The following GABRB3 variants were observed in gnomAD, a reference collection of about 807,000 sequenced individuals.
GABRB3 encodes the protein gamma-aminobutyric acid type A receptor subunit beta3, also known as gamma-aminobutyric acid receptor subunit beta-3.
Under a neutral mutation model 52.1 loss-of-function variants are expected in GABRB3, and 14 were observed. The ratio of observed to expected loss-of-function variants is 0.27; its 90% CI spans 0.18 to 0.42. GABRB3 has a LOEUF of 0.42. Ranked by LOEUF, GABRB3 falls within the 10% of genes least tolerant of loss-of-function variation. The pLI is 1.00. For missense variants in GABRB3, 307 were observed against 609.1 expected (o/e 0.50, Z 5.22); for synonymous variants, 260 against 232.3 (o/e 1.12, Z -1.08).
In GABRB3 at chr15:26,543,936, C is replaced by A. The variant is rs928779988; in HGVS notation, c.*3857G>T. 5 of 152,704 alleles carry A rather than the reference C, an allele frequency of 3.3e-5. No individual in the cohort carries two copies. Among genetic ancestry groups the A allele is most frequent in the Middle Eastern group, 3.4e-3 (1 of 294 alleles). The allele number at this position is 152,704 out of a possible 1,614,324, so 9.5% of individuals were successfully genotyped here. On this transcript the variant is annotated 3_prime_UTR_variant, in exon 9 of 9. Coordinates refer to ENST00000311550, the MANE Select transcript of GABRB3 (RefSeq NM_000814.6). ...TTTAGTATTTCAGGAAAACATGGCGCCTTTCAATGCAGTAGAAGAGGTAAT... is the reference window on the plus strand; with the variant it reads ...TTTAGTATTTCAGGAAAACATGGCGACTTTCAATGCAGTAGAAGAGGTAAT...
intron 3 of GABRB3, among the ~76,000 whole-genome samples, chr15:26,760,136 G>A (rs1890775061): frequency 6.6e-6 from 1 of 152,214 alleles, no homozygotes; most frequent in African/African-American, 2.4e-5. Context: ...CAACACAATT[G>A]CAAGCTGCCA....
chr15:26,619,588 C>T (rs1010925035), intron 4 of GABRB3, among the ~76,000 whole-genome samples: 8 of 151,172 alleles, frequency 5.3e-5, no homozygotes, highest in African/African-American at 1.7e-4. Flanking sequence ...TTAGTGGGTG[C>T]AGCGCACTAG....
At chr15:26,684,394 G>A (rs767586271) in intron 3 of GABRB3, among the ~76,000 whole-genome samples, 51 of 152,292 alleles carry the variant, frequency 3.3e-4, no homozygotes, top group Middle Eastern at 3.4e-3. Flanking sequence ...TGGGGAGTAC[G>A]AGAGAAATGT....
intron 6 of GABRB3, among the ~76,000 whole-genome samples, chr15:26,573,453 C>T (rs1156688093): frequency 6.6e-6 from 1 of 152,064 alleles, no homozygotes; most frequent in African/African-American, 2.4e-5. Flanking sequence ...GACAATGAGT[C>T]CTTTCTAATC....
chr15:26,772,854 G>A (rs1412065754), intron 1 of GABRB3, 29 bp downstream of exon 1: 12 of 1,448,230 alleles, frequency 8.3e-6, no homozygotes, highest in African/African-American at 7.4e-5. Flanking sequence ...CGCCCTGCCC[G>A]CCGCCCGCCG....
chr15:26,598,238 A>G (rs1254317292), intron 4 of GABRB3, among the ~76,000 whole-genome samples: 2 of 152,212 alleles, frequency 1.3e-5, no homozygotes, highest in Non-Finnish European at 2.9e-5. Flanking sequence ...TGGTCGAATA[A>G]GAATTTTTAA....
chr15:26,554,176 G>GTGTGTATATATA (rs1889645174), intron 8 of GABRB3, among the ~76,000 whole-genome samples: 2 of 27,330 alleles, frequency 7.3e-5, no homozygotes, highest in African/African-American at 2.3e-4. Context: ...TATATATAAA[G>GTGTGTATATATA]TATATATATA....
chr15:26,623,571 TC>T (rs1892570405), intron 3 of GABRB3, among the ~76,000 whole-genome samples: 1 of 152,050 alleles, frequency 6.6e-6, no homozygotes, highest in African/African-American at 2.4e-5. Flanking sequence ...AGTCCAGAGG[TC>T]TTTTATTTTT....
intron 8 of GABRB3, among the ~76,000 whole-genome samples, chr15:26,554,799 A>C (rs1276511588): frequency 6.6e-6 from 1 of 152,226 alleles, no homozygotes; most frequent in Non-Finnish European, 1.5e-5. Flanking sequence ...CATGTGCCCC[A>C]TAAGTTGGGA....
chr15:26,687,969 G>T (rs372212506), intron 3 of GABRB3, among the ~76,000 whole-genome samples: 2 of 152,158 alleles, frequency 1.3e-5, no homozygotes, highest in Admixed American at 1.3e-4. Context: ...CGCTTTTTGA[G>T]TCCAGTGGAC....
chr15:26,739,921 CA>C (rs1196627704), intron 3 of GABRB3, among the ~76,000 whole-genome samples: 2 of 152,182 alleles, frequency 1.3e-5, no homozygotes, highest in Non-Finnish European at 2.9e-5. Context: ...GGGCTGCACA[CA>C]AGAGATTTGC....
chr15:26,729,940 AC>A (rs1889865465), intron 3 of GABRB3, among the ~76,000 whole-genome samples: 1 of 152,238 alleles, frequency 6.6e-6, no homozygotes, highest in East Asian at 1.9e-4. Flanking sequence ...CCCTGATGTA[AC>A]CTCAGTACCT....
intron 6 of GABRB3, among the ~76,000 whole-genome samples, chr15:26,573,528 A>G (rs1465525018): frequency 6.6e-6 from 1 of 152,192 alleles, no homozygotes; most frequent in East Asian, 1.9e-4. Context: ...GTTTGTTTCA[A>G]CAATCCAGCC....
chr15:26,740,583 G>C (rs138398545), intron 3 of GABRB3, among the ~76,000 whole-genome samples: 122 of 152,206 alleles, frequency 8.0e-4, no homozygotes, highest in African/African-American at 2.7e-3. Flanking sequence ...GAGCACCCAA[G>C]GGACCAGGAC....
intron 4 of GABRB3, among the ~76,000 whole-genome samples, chr15:26,603,734 T>TA (rs767461459): frequency 5.3e-5 from 8 of 151,890 alleles, no homozygotes; most frequent in Non-Finnish European, 1.0e-4. Context: ...CCCTTCATGA[T>TA]AAAAAAGCAC....
intron 4 of GABRB3, among the ~76,000 whole-genome samples, chr15:26,597,053 T>G (rs1362671873): frequency 6.6e-6 from 1 of 152,150 alleles, no homozygotes; most frequent in African/African-American, 2.4e-5. Context: ...TCCTCTCCCA[T>G]GAATACCCAT....
chr15:26,594,313 A>G (rs1157186569), intron 4 of GABRB3, among the ~76,000 whole-genome samples: 1 of 151,936 alleles, frequency 6.6e-6, no homozygotes, highest in African/African-American at 2.4e-5. Flanking sequence ...TCATCATTAT[A>G]ATGCGGTCAC....
chr15:26,579,346 G>T (rs979050907), intron 6 of GABRB3, among the ~76,000 whole-genome samples: 4 of 152,258 alleles, frequency 2.6e-5, no homozygotes, highest in Admixed American at 6.5e-5. Flanking sequence ...AATCCAGCCT[G>T]GGGGGCTGTG....
intron 3 of GABRB3, among the ~76,000 whole-genome samples, chr15:26,701,770 G>A (rs1888942905): frequency 6.6e-6 from 1 of 152,118 alleles, no homozygotes; most frequent in Non-Finnish European, 1.5e-5. Flanking sequence ...ACCTAGCATA[G>A]CCAAAACAAC....
Sources: allele counts gnomAD v4.1 joint callset (sites outside exome capture counted in the v4.1 genomes callset), GRCh38; gene constraint gnomAD v4.1.1; transcripts MANE v1.5; gene names NCBI Gene and HGNC (gene_info 2026-07-23, HGNC 2026-07-21).